The following PID1 variants were observed in gnomAD, a reference collection of about 807,000 sequenced individuals.
PID1 encodes the protein PTB-containing, cubilin and LRP1-interacting protein.
A neutral mutation model predicts 19.1 loss-of-function variants in PID1; 10 were observed. The observed-to-expected ratio is 0.52, with a 90% CI of 0.32 to 0.89. The LOEUF (loss-of-function observed/expected upper bound fraction) is 0.89. Among genes scored for constraint, PID1 ranks in the 40% least tolerant of loss-of-function variants. The probability of loss-of-function intolerance (pLI) is 0.03; values close to 1 mark genes in which losing one functional copy is unlikely to be tolerated. For missense variants in PID1, 248 were observed against 285.3 expected, an observed-to-expected ratio of 0.87 and a Z score of 0.94; for synonymous variants, 130 against 116.0, an observed-to-expected ratio of 1.12 and a Z score of -0.78.
intron 2 of PID1, among the ~76,000 whole-genome samples, chr2:229,119,145 G>C (rs1695467921): frequency 6.6e-6 from 1 of 152,190 alleles, no homozygotes; most frequent in African/African-American, 2.4e-5. Context: ...CTAAAGAAAT[G>C]AAACTACTGT....
intron 1 of PID1, among the ~76,000 whole-genome samples, chr2:229,248,377 G>A (rs1031945799): frequency 3.3e-5 from 5 of 152,200 alleles, no homozygotes; most frequent in South Asian, 2.1e-4. Context: ...GTTGTATCAG[G>A]AGGCAGACGA....
chr2:229,142,676 C>A (rs1366786388), intron 2 of PID1, among the ~76,000 whole-genome samples: 1 of 152,096 alleles, frequency 6.6e-6, no homozygotes, highest in African/African-American at 2.4e-5. Flanking sequence ...GAATGGCAAT[C>A]ATTAAAAAGT....
intron 2 of PID1, among the ~76,000 whole-genome samples, chr2:229,028,712 C>A (rs529572316): frequency 2.6e-5 from 4 of 152,154 alleles, no homozygotes; most frequent in African/African-American, 9.7e-5. Context: ...ACGTCCTTTG[C>A]GACAACATGG....
chr2:229,180,581 T>C (rs1690919233), intron 1 of PID1, among the ~76,000 whole-genome samples: 1 of 152,192 alleles, frequency 6.6e-6, no homozygotes, highest in Non-Finnish European at 1.5e-5. Flanking sequence ...TGGATCAGAA[T>C]CTCTGGGGAT....
At chr2:229,080,407 G>A (rs77942709) in intron 2 of PID1, among the ~76,000 whole-genome samples, 5 of 151,984 alleles carry the variant, frequency 3.3e-5, no homozygotes, top group Non-Finnish European at 5.9e-5. Flanking sequence ...ATTCTCTCCC[G>A]GGCATGGCTC....
chr2:229,232,135 C>A, intron 1 of PID1: 1 of 1,452,270 alleles, frequency 6.9e-7, no homozygotes, highest in South Asian at 1.5e-5. Flanking sequence ...TCTTAAAGGT[C>A]CCTCTTGGCC....
intron 1 of PID1, among the ~76,000 whole-genome samples, chr2:229,237,905 CA>C (rs1329414650): frequency 1.3e-5 from 2 of 152,138 alleles, no homozygotes; most frequent in Non-Finnish European, 2.9e-5. Flanking sequence ...AGACACATAA[CA>C]AAATTAATCA....
chr2:229,152,964 C>T (rs998517011), intron 2 of PID1, among the ~76,000 whole-genome samples: 3 of 152,122 alleles, frequency 2.0e-5, no homozygotes, highest in Non-Finnish European at 1.5e-5. Flanking sequence ...CAGCTGGGCC[C>T]GGGCTACATT....
At chr2:229,063,253 A>C (rs1056688393) in intron 2 of PID1, among the ~76,000 whole-genome samples, 1 of 151,904 alleles carries the variant, frequency 6.6e-6, no homozygotes, top group South Asian at 2.1e-4. Context: ...TGATGTAGGC[A>C]TTTATTTCTA....
intron 2 of PID1, among the ~76,000 whole-genome samples, chr2:229,094,639 C>G (rs1017932503): frequency 4.6e-5 from 7 of 151,948 alleles, no homozygotes; most frequent in Non-Finnish European, 8.8e-5. Flanking sequence ...AAGACAGATA[C>G]AACCAATTGA....
intron 2 of PID1, among the ~76,000 whole-genome samples, chr2:229,138,104 A>C (rs1689892137): frequency 6.6e-6 from 1 of 152,128 alleles, no homozygotes; most frequent in Non-Finnish European, 1.5e-5. Flanking sequence ...AAGTTCCTGG[A>C]TCCCTAGGCG....
At chr2:229,048,363 T>G (rs1009593745) in intron 2 of PID1, among the ~76,000 whole-genome samples, 7 of 152,192 alleles carry the variant, frequency 4.6e-5, no homozygotes, top group Non-Finnish European at 8.8e-5. Context: ...ATTAACAAAA[T>G]GCTGCACTTG....
chr2:229,193,753 C>G (rs1559279218), intron 1 of PID1, among the ~76,000 whole-genome samples: 1 of 148,632 alleles, frequency 6.7e-6, no homozygotes. Context: ...ATAGTATGTA[C>G]TTAATAAAAA....
chr2:229,237,156 G>A (rs995935837), intron 1 of PID1, among the ~76,000 whole-genome samples: 3 of 152,054 alleles, frequency 2.0e-5, no homozygotes, highest in African/African-American at 4.8e-5. Flanking sequence ...ACCCATTTTG[G>A]GAGCTAGGAA....
At chr2:229,031,214 T>TAAAAAAAAAA (rs1274567780) in intron 2 of PID1, among the ~76,000 whole-genome samples, 29 of 24,966 alleles carry the variant, frequency 1.2e-3, no homozygotes, top group African/African-American at 5.0e-3. Flanking sequence ...AGACTCTGTC[T>TAAAAAAAAAA]CAAAAAAAAA....
At chr2:229,096,576 G>A (rs183313200) in intron 2 of PID1, among the ~76,000 whole-genome samples, 1 of 152,188 alleles carries the variant, frequency 6.6e-6, no homozygotes, top group Admixed American at 6.5e-5. Context: ...ATAGGTCTTG[G>A]CTTAAGCTTT....
At position 229,200,244 on chromosome 2, in the gene PID1, C is replaced by T. The variant is rs544173664; in HGVS notation, c.31-44280G>A. ...GTTTTTGCCATTAATACTAGAATTC[C>T]TTCTCAGGTTCTCAGGTAGGCACAT... On this transcript the variant is annotated intron_variant, in intron 1 of 2. Transcript: ENST00000392055. 2.2e-3 allele frequency among the ~76,000 whole-genome samples: 331 copies of T among 152,072 alleles called. 4 individuals carry two copies. Among genetic ancestry groups the T allele is most frequent in the African/African-American group, 7.1e-3 (296 of 41,508 alleles).
At chr2:229,068,702 A>C (rs2396608) in intron 2 of PID1, among the ~76,000 whole-genome samples, 138,536 of 152,192 alleles carry the variant, frequency 0.91, 64,453 homozygotes, top group East Asian at 1. Context: ...CGGATCAGAG[A>C]AGTTATGTTC....
intron 2 of PID1, among the ~76,000 whole-genome samples, chr2:229,029,266 C>A (rs1693492709): frequency 1.0e-5 from 1 of 98,294 alleles, no homozygotes; most frequent in Non-Finnish European, 2.2e-5. Flanking sequence ...GTATGTCAAT[C>A]CCTGGGGAAA....
Sources: allele counts gnomAD v4.1 joint callset (sites outside exome capture counted in the v4.1 genomes callset), GRCh38; gene constraint gnomAD v4.1.1; transcripts MANE v1.5; gene names NCBI Gene and HGNC (gene_info 2026-07-23, HGNC 2026-07-21).